Variants in TENM2 observed in about 807,000 individuals in gnomAD.
The protein encoded by TENM2 is teneurin transmembrane protein 2.
Under a neutral mutation model 245.2 loss-of-function variants are expected in TENM2, and 52 were observed. The observed-to-expected ratio is 0.21, with a 90% CI of 0.17 to 0.27. TENM2 has a LOEUF of 0.27. Among genes scored for constraint, TENM2 ranks in the 10% least tolerant of loss-of-function variants. The pLI, the probability that TENM2 is intolerant of heterozygous loss-of-function variation, is 1.00. For synonymous variants in TENM2, 1,363 were observed against 1,438.9 expected, an observed-to-expected ratio of 0.95 and a Z score of 1.19; for missense variants, 3,046 against 3,666.8, an observed-to-expected ratio of 0.83 and a Z score of 4.37.
intron 3 of TENM2, among the ~76,000 whole-genome samples, chr5:167,936,459 A>T (rs1778723956): frequency 6.6e-6 from 1 of 152,182 alleles, no homozygotes; most frequent in Non-Finnish European, 1.5e-5. Context: ...ATTTTTAAGG[A>T]CATGACAAAT....
intron 2 of TENM2, among the ~76,000 whole-genome samples, chr5:167,634,447 G>T (rs1169924816): frequency 6.6e-6 from 1 of 151,378 alleles, no homozygotes; most frequent in Non-Finnish European, 1.5e-5. Context: ...CACAAAGAAG[G>T]TGCTCCATAA....
chr5:168,110,887 A>G (rs529235487), intron 9 of TENM2, among the ~76,000 whole-genome samples: 1 of 152,334 alleles, frequency 6.6e-6, no homozygotes, highest in East Asian at 1.9e-4. Flanking sequence ...AGGCATCCCC[A>G]TATCTCTACA....
intron 3 of TENM2, among the ~76,000 whole-genome samples, chr5:167,926,720 ACACAC>A (rs1777793388): frequency 2.8e-5 from 2 of 70,728 alleles, no homozygotes; most frequent in African/African-American, 2.5e-4. Flanking sequence ...AGATTCCACC[ACACAC>A]ACACACACAC....
At chr5:168,080,726 T>A (rs1227060897) in intron 7 of TENM2, among the ~76,000 whole-genome samples, 1 of 152,212 alleles carries the variant, frequency 6.6e-6, no homozygotes, top group African/African-American at 2.4e-5. Flanking sequence ...TCAGTTTCCA[T>A]GTAGTTGAGC....
intron 2 of TENM2, among the ~76,000 whole-genome samples, chr5:167,848,964 T>C (rs1337791512): frequency 6.6e-6 from 1 of 152,184 alleles, no homozygotes; most frequent in Non-Finnish European, 1.5e-5. Context: ...AGTTTCCTAT[T>C]GCTGGTGTAA....
At chr5:167,552,822 C>A (rs191042194) in intron 2 of TENM2, among the ~76,000 whole-genome samples, 5 of 152,180 alleles carry the variant, frequency 3.3e-5, no homozygotes, top group Non-Finnish European at 7.3e-5. Flanking sequence ...CATTGCCCCT[C>A]ATGGTTGCAT....
the TENM2 span, among the ~76,000 whole-genome samples, chr5:167,220,988 A>T: frequency 6.6e-6 from 1 of 152,092 alleles, no homozygotes; most frequent in Non-Finnish European, 1.5e-5. Flanking sequence ...CACCATGCTC[A>T]GCTAATTTTT....
At chr5:167,604,851 T>C (rs947719058) in intron 2 of TENM2, among the ~76,000 whole-genome samples, 4 of 152,164 alleles carry the variant, frequency 2.6e-5, no homozygotes, top group African/African-American at 9.7e-5. Flanking sequence ...AAAGGCACCA[T>C]GAATGGAGTC....
At chr5:167,711,334 GA>G (rs1301116752) in intron 2 of TENM2, among the ~76,000 whole-genome samples, 1 of 152,186 alleles carries the variant, frequency 6.6e-6, no homozygotes, top group Non-Finnish European at 1.5e-5. Context: ...GGGTGTCTGG[GA>G]TAGTAAGTGC....
chr5:168,164,727 A>G (rs1220569193), intron 13 of TENM2, among the ~76,000 whole-genome samples: 4 of 152,198 alleles, frequency 2.6e-5, no homozygotes, highest in Non-Finnish European at 5.9e-5. Context: ...ACTTCAGTAC[A>G]GGTATGTTAT....
At chr5:167,288,610 T>G (rs1034185276) in intron 1 of TENM2, among the ~76,000 whole-genome samples, 2 of 151,306 alleles carry the variant, frequency 1.3e-5, no homozygotes, top group Non-Finnish European at 2.9e-5. Context: ...ATTTGTTGAG[T>G]AGTTTGTGTC....
At chr5:167,685,727 A>T (rs1757031073) in intron 2 of TENM2, among the ~76,000 whole-genome samples, 1 of 152,212 alleles carries the variant, frequency 6.6e-6, no homozygotes, top group Admixed American at 6.5e-5. Context: ...GTAATGATAT[A>T]TGATAGTCTG....
At chr5:167,454,889 C>T (rs1327100262) in intron 2 of TENM2, among the ~76,000 whole-genome samples, 1 of 152,112 alleles carries the variant, frequency 6.6e-6, no homozygotes, top group Non-Finnish European at 1.5e-5. Flanking sequence ...ATGGAGTTGT[C>T]CTCTCCCAAA....
chr5:168,217,484 G>A (rs779783406), intron 22 of TENM2, among the ~76,000 whole-genome samples: 7 of 152,170 alleles, frequency 4.6e-5, no homozygotes, highest in Non-Finnish European at 8.8e-5. Flanking sequence ...TTTCTATAAC[G>A]GCCTTTTCAA....
chr5:168,110,164 T>G (rs777339931), intron 9 of TENM2, among the ~76,000 whole-genome samples: 1 of 151,528 alleles, frequency 6.6e-6, no homozygotes, highest in Non-Finnish European at 1.5e-5. Context: ...GGGAATCCTG[T>G]GGTTTATGGG....
the TENM2 span, among the ~76,000 whole-genome samples, chr5:167,015,698 A>T: frequency 6.6e-6 from 1 of 152,150 alleles, no homozygotes; most frequent in Non-Finnish European, 1.5e-5. Context: ...CATGGTAAGG[A>T]TACCAACATT....
chr5:167,731,138 A>G (rs902968145), intron 2 of TENM2, among the ~76,000 whole-genome samples: 4 of 151,842 alleles, frequency 2.6e-5, no homozygotes, highest in Admixed American at 2.0e-4. Flanking sequence ...CACGTTTTAT[A>G]TTAAAACACC....
chr5:167,157,816 A>T, the TENM2 span, among the ~76,000 whole-genome samples: 1 of 152,236 alleles, frequency 6.6e-6, no homozygotes, highest in East Asian at 1.9e-4. Context: ...CATTTAATTT[A>T]TCCTTTTGTC....
At chr5:168,130,869 G>A (rs1293105454) in intron 12 of TENM2, among the ~76,000 whole-genome samples, 1 of 152,104 alleles carries the variant, frequency 6.6e-6, no homozygotes, top group Non-Finnish European at 1.5e-5. Flanking sequence ...CAGCCTGAGT[G>A]ACAGAGCGAG....
Sources: allele counts gnomAD v4.1 joint callset (sites outside exome capture counted in the v4.1 genomes callset), GRCh38; gene constraint gnomAD v4.1.1; transcripts MANE v1.5; gene names NCBI Gene and HGNC (gene_info 2026-07-23, HGNC 2026-07-21).